Variants in GTF2I observed in about 807,000 individuals in gnomAD.
GTF2I encodes the protein general transcription factor II-I.
GTF2I carries 12 observed loss-of-function variants against 67.6 expected under a neutral mutation model. The ratio of observed to expected loss-of-function variants is 0.18; its 90% confidence interval spans 0.11 to 0.29. The LOEUF is 0.29. GTF2I is among the 10% of genes least tolerant of loss of function. The pLI, the probability that GTF2I is intolerant of heterozygous loss-of-function variation, is 1.00. For missense variants in GTF2I, 271 were observed against 580.1 expected (o/e 0.47, Z 5.47); for synonymous variants, 149 against 197.0 (o/e 0.76, Z 2.04).
Position 74,689,944 on chromosome 7 carries a change from C to T in GTF2I, c.99+717C>T, listed in dbSNP as rs868918121. On this transcript the variant is annotated intron_variant, in intron 2 of 34. Transcript: ENST00000573035. ...GTTGGTCACGCGGGTCTCGAACTCC[C>T]GACCTCAGGTGATCCACCCACCTTG... Among the ~76,000 whole-genome samples, 7 of 151,882 alleles carry T rather than the reference C, an allele frequency of 4.6e-5. 1 individual carries two copies. In the Middle Eastern group the frequency reaches 0.01, roughly 223 times the overall value.
chr7:74,716,778 A>G (rs587727138), intron 10 of GTF2I, 116 bp from the exon 11 acceptor site: 28 of 652,896 alleles, frequency 4.3e-5, no homozygotes, highest in Middle Eastern at 4.2e-4. Context: ...GAGTTAGACA[A>G]TCATTTTGCA....
chr7:74,720,741 A>ATT (rs35442354), intron 12 of GTF2I, among the ~76,000 whole-genome samples: 2,723 of 132,284 alleles, frequency 0.021, 124 homozygotes, highest in African/African-American at 0.055. Flanking sequence ...TAGAAGCTGT[A>ATT]TTTTTTTTTT....
At chr7:74,689,348 CTTTTTT>C (rs1162860651) in intron 2 of GTF2I, 121 bp downstream of exon 2, 108 of 145,184 alleles carry the variant, frequency 7.4e-4, no homozygotes, top group East Asian at 9.7e-4. Flanking sequence ...TTTTTCTTTA[CTTTTTT>C]TTTTTTTTTT....
intron 16 of GTF2I, 100 bp downstream of exon 16, chr7:74,734,081 T>TA (rs1794697925): frequency 2.9e-6 from 2 of 691,128 alleles, no homozygotes; most frequent in Non-Finnish European, 4.9e-6. Context: ...CATGAAATAA[T>TA]ATGTCTCTAA....
intron 3 of GTF2I, among the ~76,000 whole-genome samples, chr7:74,697,595 T>C (rs1237348565): frequency 6.6e-6 from 1 of 152,174 alleles, no homozygotes; most frequent in Admixed American, 6.5e-5. Context: ...TATTTAAATT[T>C]GTAACCAATA....
chr7:74,720,054 A>G (rs1792743452), intron 12 of GTF2I, among the ~76,000 whole-genome samples: 1 of 152,128 alleles, frequency 6.6e-6, no homozygotes, highest in Admixed American at 6.6e-5. Context: ...CTTCACCCTC[A>G]CTCTGCTCCC....
intron 1 of GTF2I, among the ~76,000 whole-genome samples, chr7:74,658,759 G>C (rs368781367): frequency 5.3e-5 from 8 of 151,842 alleles, no homozygotes; most frequent in African/African-American, 1.7e-4. Context: ...CGCGGGGCCT[G>C]TTCTTTGGGG....
intron 12 of GTF2I, among the ~76,000 whole-genome samples, chr7:74,723,854 GA>G (rs1400817751): frequency 0.011 from 1,548 of 138,910 alleles, 15 homozygotes; most frequent in African/African-American, 0.025. Flanking sequence ...AGAAAAGGGG[GA>G]AAAAAAAAAA....
At chr7:74,718,343 C>T (rs985552164) in intron 11 of GTF2I, among the ~76,000 whole-genome samples, 1 of 152,172 alleles carries the variant, frequency 6.6e-6, no homozygotes, top group African/African-American at 2.4e-5. Flanking sequence ...TGTGTAGGAA[C>T]AAATATGAAT....
chr7:74,722,423 A>C (rs1322684006), intron 12 of GTF2I, among the ~76,000 whole-genome samples: 1 of 152,182 alleles, frequency 6.6e-6, no homozygotes. Context: ...TGTGCAGAGA[A>C]AACCTTATCA....
At chr7:74,663,751 T>C (rs1554387495) in intron 1 of GTF2I, among the ~76,000 whole-genome samples, 1 of 152,156 alleles carries the variant, frequency 6.6e-6, no homozygotes, top group Admixed American at 6.5e-5. Flanking sequence ...TTAACTAAAG[T>C]GTATTGGGGC....
chr7:74,702,030 A>G lies in GTF2I; in HGVS notation c.586+1396A>G, dbSNP rs192355689. 3.4e-3 allele frequency among the ~76,000 whole-genome samples: 514 copies of G among 152,274 alleles called. 3 individuals are homozygous for G. The highest frequency in any genetic ancestry group is 5.7e-3 in the Non-Finnish European group (386 of 68,030). ...TTCTTTTTATTGCTGAGCACTAACT[A>G]TTCTGTGACATGAACATACTGTCTG... On this transcript the variant is annotated intron_variant, in intron 6 of 34. Coordinates refer to ENST00000573035, the MANE Select transcript of GTF2I (RefSeq NM_032999.4).
intron 1 of GTF2I, among the ~76,000 whole-genome samples, chr7:74,659,840 G>T (rs1273134643): frequency 6.6e-6 from 1 of 152,146 alleles, no homozygotes; most frequent in African/African-American, 2.4e-5. Flanking sequence ...ACCACGCTGG[G>T]CCTCATCTCT....
chr7:74,680,099 A>AAAAAAATATATATAT, intron 1 of GTF2I, among the ~76,000 whole-genome samples: 2 of 95,000 alleles, frequency 2.1e-5, no homozygotes, highest in African/African-American at 8.0e-5. Flanking sequence ...AAAAAAAAAA[A>AAAAAAATATATATAT]ATATATATAT....
Position 74,718,936 on chromosome 7 carries a change from T to G in GTF2I, c.938T>G (p.Ile313Ser), listed in dbSNP as rs782779434. Residue 313 changes from isoleucine to serine, a missense_variant, in exon 12 of 35, where the codon ATT becomes AGT. Coordinates refer to ENST00000573035, the MANE Select transcript of GTF2I (RefSeq NM_032999.4). ...TSEDPEVEVTIEDDDYSPPSK... is the reference protein window; with the variant it reads ...TSEDPEVEVTSEDDDYSPPSK... ...GAGGACCCTGAAGTTGAGGTGACTA[T>G]TGAAGGTTAGTTATCTAAAAGCCTT... The G allele has an allele frequency of 6.5e-7, 1 of 1,540,404 alleles. No homozygotes were observed. Among genetic ancestry groups the G allele is most frequent in the South Asian group, 1.2e-5 (1 of 84,826 alleles).
chr7:74,678,819 T>G (rs1416390355), intron 1 of GTF2I, among the ~76,000 whole-genome samples: 1 of 152,180 alleles, frequency 6.6e-6, no homozygotes, highest in East Asian at 1.9e-4. Flanking sequence ...TCACCCAGGC[T>G]GGAGTGCAGT....
chr7:74,732,358 A>C (rs1794582324), intron 14 of GTF2I, 121 bp from the exon 15 acceptor site: 1 of 1,220,536 alleles, frequency 8.2e-7, no homozygotes, highest in African/African-American at 1.6e-5. Flanking sequence ...TGGGAGACAC[A>C]GCAAGACTCC....
Position 74,699,085 on chromosome 7 carries a change from C to T in GTF2I, c.363C>T (p.Cys121=), listed in dbSNP as rs1554399208. 3.3e-6 allele frequency: 5 copies of T among 1,503,374 alleles called. No individual in the cohort carries two copies. The allele number at this position is 1,503,374 out of a possible 1,614,324, so 93.1% of individuals were successfully genotyped here. Reference sequence around the variant, plus strand: ...GAAAAACAGTTGAGGACTATTTCTGCTTTTGCTATGGTAAAAACAATAGAT... The same window carrying T: ...GAAAAACAGTTGAGGACTATTTCTGTTTTTGCTATGGTAAAAACAATAGAT... ...TLRKTVEDYF[C]FCYGKALGKS... is the part of the protein sequence containing the mutation. The change falls in exon 4 of 35, where the codon TGC becomes TGT. Residue 121 remains cysteine (C), a synonymous_variant. Coordinates refer to ENST00000573035, the MANE Select transcript of GTF2I (RefSeq NM_032999.4).
chr7:74,699,259 A>G (rs587646845), intron 4 of GTF2I, among the ~76,000 whole-genome samples, 164 bp downstream of exon 4: 16 of 151,874 alleles, frequency 1.1e-4, no homozygotes, highest in Non-Finnish European at 1.5e-5. Flanking sequence ...GAAGGAACCC[A>G]GGAGGAAGTG....
Sources: allele counts gnomAD v4.1 joint callset (sites outside exome capture counted in the v4.1 genomes callset), GRCh38; gene constraint gnomAD v4.1.1; transcripts MANE v1.5; gene names NCBI Gene and HGNC (gene_info 2026-07-23, HGNC 2026-07-21).